Variants in CD109 observed in about 807,000 individuals in gnomAD.
CD109 encodes the protein CD109 molecule, also known as CD109 antigen.
Under a neutral mutation model 165.8 loss-of-function variants are expected in CD109, and 149 were observed. The ratio of observed to expected loss-of-function variants is 0.90; its 90% confidence interval spans 0.79 to 1.03. CD109 has a LOEUF of 1.03. Ranked by LOEUF, CD109 falls within the 50% of genes least tolerant of loss-of-function variation. The probability of loss-of-function intolerance (pLI) is 0.00; values close to 1 mark genes in which losing one functional copy is unlikely to be tolerated. For synonymous variants in CD109, 585 were observed against 592.1 expected, an observed-to-expected ratio of 0.99 and a Z score of 0.18; for missense variants, 1,712 against 1,677.8, an observed-to-expected ratio of 1.02 and a Z score of -0.36.
upstream of CD109, among the ~76,000 whole-genome samples, chr6:73,692,825 C>T (rs1770712309): frequency 6.6e-6 from 1 of 152,156 alleles, no homozygotes; most frequent in South Asian, 2.1e-4. Context: ...TGCCTGCCAC[C>T]ATGTAAGACT....
In CD109 at chr6:73,825,306, T is replaced by C. The variant is rs1776236504; in HGVS notation, c.*1673T>C. ...TTTTTTTCTTAAGTGGGGAAAAGTT[T>C]CTAGATCTCTTACACCTCTGACACA... On this transcript the variant is annotated 3_prime_UTR_variant, in exon 33 of 33. Coordinates refer to ENST00000287097, the MANE Select transcript of CD109 (RefSeq NM_133493.5). The C allele has an allele frequency of 6.6e-6, 1 of 152,216 alleles. No individual in the cohort carries two copies. The highest frequency in any genetic ancestry group is 1.5e-5 in the Non-Finnish European group (1 of 68,040). 9.4% of individuals were successfully genotyped at this position (152,216 alleles called of 1,614,324 possible).
At chr6:73,744,778 G>C (rs1165909119) in intron 5 of CD109, among the ~76,000 whole-genome samples, 1 of 152,122 alleles carries the variant, frequency 6.6e-6, no homozygotes, top group African/African-American at 2.4e-5. Flanking sequence ...TGTGTCTTCT[G>C]TACCCCTCTC....
intron 5 of CD109, among the ~76,000 whole-genome samples, chr6:73,743,650 CTTTG>C (rs1176973570): frequency 6.6e-6 from 1 of 151,814 alleles, no homozygotes; most frequent in Non-Finnish European, 1.5e-5. Context: ...AAGAGCACAT[CTTTG>C]TTTGGACAGT....
At chr6:73,745,307 G>A (rs992092961) in intron 5 of CD109, among the ~76,000 whole-genome samples, 2 of 152,114 alleles carry the variant, frequency 1.3e-5, no homozygotes, top group African/African-American at 2.4e-5. Flanking sequence ...GTTTCACCAT[G>A]TTGGCCAGGC....
rs190138270 is a variant in CD109, at chr6:73,701,151, T to C, written c.247+3579T>C. Among the ~76,000 whole-genome samples the C allele has an allele frequency of 2.0e-5, 3 of 150,066 alleles. No homozygotes were observed. The Admixed American group carries it at 2.0e-4, about 10-fold the overall frequency. On this transcript the variant is annotated intron_variant, in intron 2 of 32. Coordinates refer to ENST00000287097, the MANE Select transcript of CD109 (RefSeq NM_133493.5). ...GTGAATAATAGACCTTTAGAAAAAG[T>C]ATTTCTGCTACACTTTGCAGAGTTC...
At chr6:73,737,290 A>G (rs1772582553) in intron 5 of CD109, among the ~76,000 whole-genome samples, 1 of 152,338 alleles carries the variant, frequency 6.6e-6, no homozygotes, top group Non-Finnish European at 1.5e-5. Context: ...TATTCTAAGC[A>G]TTGTTGCTGA....
At chr6:73,730,061 A>C (rs1380844731) in intron 3 of CD109, among the ~76,000 whole-genome samples, 2 of 152,190 alleles carry the variant, frequency 1.3e-5, no homozygotes, top group Non-Finnish European at 2.9e-5. Context: ...GGGAGGATGA[A>C]TTTGCACTTG....
chr6:73,712,208 CAAA>C (rs3045855), intron 2 of CD109, among the ~76,000 whole-genome samples: 45 of 151,464 alleles, frequency 3.0e-4, no homozygotes, highest in African/African-American at 5.4e-4. Flanking sequence ...GACTCCGTCT[CAAA>C]AAAAAAAAAA....
At position 73,725,462 on chromosome 6, in the gene CD109, G is replaced by A. The variant is rs1277501003; in HGVS notation, c.276+2183G>A. On this transcript the variant is annotated intron_variant, in intron 3 of 32. Transcript: ENST00000287097. ...TCAATGATACTAGTATAAACTGTAC[G>A]TGTCTGAGCTAATATTAACTAGAAA... Among the ~76,000 whole-genome samples the A allele has an allele frequency of 2.0e-5, 3 of 148,084 alleles. No homozygotes were observed. The East Asian group carries it at 5.9e-4, about 29-fold the overall frequency.
At chr6:73,709,215 A>G (rs1038904408) in intron 2 of CD109, among the ~76,000 whole-genome samples, 2 of 152,176 alleles carry the variant, frequency 1.3e-5, no homozygotes, top group African/African-American at 4.8e-5. Context: ...AGCTTTCTAC[A>G]TATGGCTAGC....
In CD109 at chr6:73,780,830, G is replaced by GTA. The variant is rs140841836; in HGVS notation, c.1902+341_1902+342dup. Among the ~76,000 whole-genome samples, 6 of 54,068 alleles carry GTA rather than the reference G, an allele frequency of 1.1e-4. 1 individual carries two copies. The highest frequency in any genetic ancestry group is 1.8e-4 in the African/African-American group (2 of 11,036). 35.5% of individuals were successfully genotyped at this position (54,068 alleles called of 152,430 possible). On this transcript the variant is annotated intron_variant, in intron 16 of 32. Coordinates refer to ENST00000287097, the MANE Select transcript of CD109 (RefSeq NM_133493.5). ...TATATAATATATAAATATATTTTAT[G>GTA]TATATATATAATATATAAATATATT... is the stretch of plus-strand genomic sequence containing the variant.
rs374380719 is a variant in CD109 at position 73,826,297 on chromosome 6, C to T, written c.*2664C>T. ...CTATGAGTAATAATATTAAAAAACTCATTTTACCATTAAGATTCCTTATGC... is the reference window on the plus strand; with the variant it reads ...CTATGAGTAATAATATTAAAAAACTTATTTTACCATTAAGATTCCTTATGC... On this transcript the variant is annotated 3_prime_UTR_variant, in exon 33 of 33. Coordinates refer to ENST00000287097, the MANE Select transcript of CD109 (RefSeq NM_133493.5). 1 of 152,162 alleles carries T rather than the reference C, an allele frequency of 6.6e-6. No homozygotes were observed. Among genetic ancestry groups the T allele is most frequent in the Non-Finnish European group, 1.5e-5 (1 of 68,024 alleles). 9.4% of individuals were successfully genotyped at this position (152,162 alleles called of 1,614,324 possible). A position where few individuals can be genotyped will look rare whatever the true frequency, so the allele number is the denominator to read the frequency against.
In CD109 at chr6:73,766,168, C is replaced by G; in HGVS notation, c.1332+14C>G. The stretch of plus-strand genomic sequence containing the variant: ...CTACAGTTGAAGGTGCCGTCTGTTT[C>G]CCATCATTGTGTCACTGCAACAACA... On this transcript the variant is annotated intron_variant, in intron 11 of 32. Transcript: ENST00000287097. The G allele has an allele frequency of 6.3e-7, 1 of 1,595,186 alleles. No individual in the cohort carries two copies. Among genetic ancestry groups the G allele is most frequent in the Non-Finnish European group, 8.6e-7 (1 of 1,163,204 alleles).
upstream of CD109, among the ~76,000 whole-genome samples, chr6:73,691,557 A>T (rs563840538): frequency 6.6e-6 from 1 of 152,314 alleles, no homozygotes; most frequent in Admixed American, 6.5e-5. Flanking sequence ...TGGACAAAGG[A>T]CACCAGCTTC....
chr6:73,772,608 A>C (rs1774081418), intron 15 of CD109, among the ~76,000 whole-genome samples: 1 of 151,992 alleles, frequency 6.6e-6, no homozygotes, highest in Non-Finnish European at 1.5e-5. Context: ...AAACTTACAA[A>C]CCAAGAAGTA....
upstream of CD109, chr6:73,695,697 CGTGT>C (rs369209299): frequency 6.5e-6 from 1 of 154,162 alleles, no homozygotes; most frequent in African/African-American, 2.4e-5. Context: ...CGTGTGCGTG[CGTGT>C]GTGTGTGCGT....
chr6:73,805,310 G>A (rs1197895206), intron 24 of CD109, among the ~76,000 whole-genome samples: 5 of 152,148 alleles, frequency 3.3e-5, no homozygotes, highest in Non-Finnish European at 7.3e-5. Flanking sequence ...GTCAACTCAG[G>A]GTTAAAGAAT....
At chr6:73,782,389 G>A (rs1163117269) in intron 17 of CD109, among the ~76,000 whole-genome samples, 1 of 152,004 alleles carries the variant, frequency 6.6e-6, no homozygotes, top group Non-Finnish European at 1.5e-5. Context: ...CCTTCTTGAT[G>A]CCCACTGTAA....
chr6:73,737,475 T>C (rs1375694759), intron 5 of CD109, among the ~76,000 whole-genome samples: 2 of 152,176 alleles, frequency 1.3e-5, no homozygotes, highest in African/African-American at 4.8e-5. Flanking sequence ...ACCGAATGAA[T>C]GTATGATGTG....
Sources: allele counts gnomAD v4.1 joint callset (sites outside exome capture counted in the v4.1 genomes callset), GRCh38; gene constraint gnomAD v4.1.1; transcripts MANE v1.5; gene names NCBI Gene and HGNC (gene_info 2026-07-23, HGNC 2026-07-21).